RAB8B: variants seen among roughly 807,000 people sequenced by gnomAD.
RAB8B encodes the protein ras-related protein Rab-8B.
RAB8B carries 11 observed loss-of-function variants against 32.0 expected under a neutral mutation model. That is an observed-to-expected ratio of 0.34 (90% CI 0.22 to 0.57). RAB8B has a LOEUF of 0.57. Among genes scored for constraint, RAB8B ranks in the 20% least tolerant of loss-of-function variants. RAB8B has a pLI of 0.86. For synonymous variants in RAB8B, 103 were observed against 89.6 expected (o/e 1.15, Z -0.85); for missense variants, 190 against 258.5 (o/e 0.73, Z 1.82).
At chr15:63,236,450 T>C (rs2037981121) in intron 1 of RAB8B, among the ~76,000 whole-genome samples, 1 of 152,160 alleles carries the variant, frequency 6.6e-6, no homozygotes, top group African/African-American at 2.4e-5. Context: ...ACTCAGATGT[T>C]GGATTGTGTT....
chr15:63,244,655 T>G lies in RAB8B; in HGVS notation c.125-101T>G, dbSNP rs370257706. Reference sequence around the variant, plus strand: ...CCCTCTCTGTGTTCACATTTTCCAGTGCGTTGGAGAGCTTTTTTTCAATAG... The same window carrying G: ...CCCTCTCTGTGTTCACATTTTCCAGGGCGTTGGAGAGCTTTTTTTCAATAG... On this transcript the variant is annotated intron_variant, in intron 1 of 7. Coordinates refer to ENST00000321437, the MANE Select transcript of RAB8B (RefSeq NM_016530.3). The G allele has an allele frequency of 5.9e-6, 5 of 847,838 alleles. No individual in the cohort carries two copies. The South Asian group carries it at 7.8e-5, about 13-fold the overall frequency. 52.5% of individuals were successfully genotyped at this position (847,838 alleles called of 1,614,324 possible).
rs531573175 is a variant in RAB8B, at chr15:63,247,380, A to G, written c.186-2265A>G. Among the ~76,000 whole-genome samples, 57 of 152,372 alleles carry G rather than the reference A, an allele frequency of 3.7e-4. No individual in the cohort carries two copies. In the South Asian group the frequency reaches 0.011, roughly 30 times the overall value. On this transcript the variant is annotated intron_variant, in intron 2 of 7. Coordinates refer to ENST00000321437, the MANE Select transcript of RAB8B (RefSeq NM_016530.3). ...TTGCAATATGCAAGGCAAAGATCTT[A>G]TGATTACCCAACTCTGGTTCATAAA...
At chr15:63,253,525 A>G (rs1194859997) in intron 3 of RAB8B, among the ~76,000 whole-genome samples, 2 of 152,102 alleles carry the variant, frequency 1.3e-5, no homozygotes, top group Non-Finnish European at 1.5e-5. Flanking sequence ...GCTAAGAATG[A>G]AAGCAGGGAA....
rs758503277 is a variant in RAB8B, at chr15:63,249,680, C to G, written c.221C>G (p.Thr74Arg). The G allele has an allele frequency of 1.2e-6, 2 of 1,613,862 alleles. No homozygotes were observed. Among genetic ancestry groups the G allele is most frequent in the Non-Finnish European group, 1.7e-6 (2 of 1,179,892 alleles). Residue 74 changes from threonine to arginine, a missense_variant, in exon 3 of 8, where the codon ACG becomes AGG. By Grantham distance (71) the Thr-to-Arg change is moderately conservative. This residue lies in a region of RAB8B where 80 missense variants were observed against 142.6 expected (regional missense o/e 0.56). Transcript: ENST00000321437. ...TAGQERFRTI[T>R]TAYYRGAMGI... ...GGTCAGGAAAGATTCCGAACAATCA[C>G]GACAGCGTACTACAGAGGAGCCATG... is the stretch of plus-strand genomic sequence containing the variant.
intron 1 of RAB8B, among the ~76,000 whole-genome samples, chr15:63,216,640 A>T (rs1042996946): frequency 2.6e-5 from 4 of 151,810 alleles, no homozygotes; most frequent in Non-Finnish European, 5.9e-5. Context: ...AGGCGGGCAG[A>T]TCACAAGGCA....
chr15:63,214,039 C>A (rs1031587340), intron 1 of RAB8B, among the ~76,000 whole-genome samples: 1 of 151,900 alleles, frequency 6.6e-6, no homozygotes, highest in Non-Finnish European at 1.5e-5. Context: ...CAAGATTGTG[C>A]CACTGCACTC....
intron 1 of RAB8B, among the ~76,000 whole-genome samples, chr15:63,240,261 G>A (rs891670179): frequency 6.6e-6 from 1 of 152,206 alleles, no homozygotes; most frequent in African/African-American, 2.4e-5. Context: ...TGTTGGCACA[G>A]TATCCTGGAA....
In RAB8B at chr15:63,259,329, A is replaced by T. The variant is rs1364956843; in HGVS notation, c.415-298A>T. 6.6e-6 allele frequency among the ~76,000 whole-genome samples: 1 copy of T among 151,720 alleles called. No individual in the cohort carries two copies. Among genetic ancestry groups the T allele is most frequent in the Non-Finnish European group, 1.5e-5 (1 of 67,862 alleles). ...AGAGGCGGGGTTTCATCATGTTAGCAAGGAGGGTCTCGATCTCCTGACCTC... is the reference window on the plus strand; with the variant it reads ...AGAGGCGGGGTTTCATCATGTTAGCTAGGAGGGTCTCGATCTCCTGACCTC... On this transcript the variant is annotated intron_variant, in intron 5 of 7. Coordinates refer to ENST00000321437, the MANE Select transcript of RAB8B (RefSeq NM_016530.3). This position sits in a 1 kb window ranked among gnomAD's most constrained non-coding sequence, Gnocchi z 4.4.
At chr15:63,243,226 A>G (rs2038046543) in intron 1 of RAB8B, among the ~76,000 whole-genome samples, 1 of 152,198 alleles carries the variant, frequency 6.6e-6, no homozygotes, top group African/African-American at 2.4e-5. Context: ...GTAAATATAG[A>G]TGAAGCTTCT....
chr15:63,197,348 TCTTTCTTTC>T (rs2037609644), intron 1 of RAB8B, among the ~76,000 whole-genome samples: 1 of 139,588 alleles, frequency 7.2e-6, no homozygotes, highest in Non-Finnish European at 1.5e-5. Context: ...TTTTTTTTTT[TCTTTCTTTC>T]TTTCTTTCTT....
intron 1 of RAB8B, among the ~76,000 whole-genome samples, chr15:63,224,664 A>G (rs1219759634): frequency 2.6e-5 from 4 of 152,218 alleles, no homozygotes; most frequent in Non-Finnish European, 5.9e-5. Flanking sequence ...TGTGCTAAGC[A>G]TACTCAGAGG....
intron 1 of RAB8B, chr15:63,222,929 T>C: frequency 6.1e-6 from 2 of 326,246 alleles, no homozygotes; most frequent in South Asian, 4.7e-5. Flanking sequence ...CCTTATTTTT[T>C]AAATATAATT....
intron 1 of RAB8B, among the ~76,000 whole-genome samples, chr15:63,212,776 A>G (rs754021300): frequency 1.3e-5 from 2 of 152,360 alleles, no homozygotes; most frequent in South Asian, 2.1e-4. Context: ...AAGACACTAG[A>G]ACTCTTAAAC....
chr15:63,213,341 C>G (rs2037762939), intron 1 of RAB8B, among the ~76,000 whole-genome samples: 1 of 152,098 alleles, frequency 6.6e-6, no homozygotes, highest in Admixed American at 6.6e-5. Flanking sequence ...GCTAGGGGTG[C>G]TGTTATAATG....
At chr15:63,215,216 G>A (rs75304540) in intron 1 of RAB8B, among the ~76,000 whole-genome samples, 43 of 152,256 alleles carry the variant, frequency 2.8e-4, no homozygotes, top group Non-Finnish European at 5.7e-4. Context: ...TCTGATCATA[G>A]TCTCATCGTG....
At chr15:63,251,175 A>G in intron 3 of RAB8B, 2 of 423,904 alleles carry the variant, frequency 4.7e-6, no homozygotes, top group Non-Finnish European at 9.3e-6. Context: ...TCATTTTAAT[A>G]AAAATAGCTG....
intron 1 of RAB8B, among the ~76,000 whole-genome samples, chr15:63,225,515 A>G (rs980506832): frequency 6.6e-6 from 1 of 152,236 alleles, no homozygotes; most frequent in South Asian, 2.1e-4. Flanking sequence ...ATAAATATAT[A>G]CTTGCTTCTG....
chr15:63,211,543 T>C (rs2037746468), intron 1 of RAB8B, among the ~76,000 whole-genome samples: 1 of 152,214 alleles, frequency 6.6e-6, no homozygotes, highest in Non-Finnish European at 1.5e-5. Flanking sequence ...ATTTCCTTTA[T>C]AAAGCTTCCT....
intron 1 of RAB8B, among the ~76,000 whole-genome samples, chr15:63,243,409 C>T (rs1202230697): frequency 6.6e-6 from 1 of 152,190 alleles, no homozygotes; most frequent in Non-Finnish European, 1.5e-5. Flanking sequence ...ACTAACTGGT[C>T]TCCTCAGAAA....
Sources: allele counts gnomAD v4.1 joint callset (sites outside exome capture counted in the v4.1 genomes callset), GRCh38; gene constraint gnomAD v4.1.1; regional missense constraint gnomAD v4.1.1; non-coding constraint Gnocchi (gnomAD v3.1); transcripts MANE v1.5; gene names NCBI Gene and HGNC (gene_info 2026-07-23, HGNC 2026-07-21).